The following GRIN2A variants were observed in gnomAD, a reference collection of about 807,000 sequenced individuals.
The protein encoded by GRIN2A is glutamate receptor ionotropic, NMDA 2A.
GRIN2A carries 22 observed loss-of-function variants against 113.4 expected under a neutral mutation model. The observed-to-expected ratio is 0.19, with a 90% CI of 0.14 to 0.28. The LOEUF (loss-of-function observed/expected upper bound fraction) is 0.28. GRIN2A is among the 10% of genes least tolerant of loss of function. GRIN2A has a pLI of 1.00. For synonymous variants in GRIN2A, 827 were observed against 738.4 expected, an observed-to-expected ratio of 1.12 and a Z score of -1.94; for missense variants, 1,502 against 1,887.0, an observed-to-expected ratio of 0.80 and a Z score of 3.78.
intron 2 of GRIN2A, among the ~76,000 whole-genome samples, chr16:10,106,391 T>A (rs981339065): frequency 6.6e-6 from 1 of 151,912 alleles, no homozygotes; most frequent in Non-Finnish European, 1.5e-5. Context: ...TGAGACCCTG[T>A]CTCTATTTAA....
chr16:9,792,105 G>GTGTC (rs3831728), intron 11 of GRIN2A, among the ~76,000 whole-genome samples: 1,983 of 151,162 alleles, frequency 0.013, 41 homozygotes, highest in African/African-American at 0.039. Context: ...GTGTGTGTGT[G>GTGTC]TGTATCTTTC....
chr16:9,857,769 A>T (rs1242065342), intron 4 of GRIN2A, among the ~76,000 whole-genome samples: 1 of 152,264 alleles, frequency 6.6e-6, no homozygotes, highest in Non-Finnish European at 1.5e-5. Flanking sequence ...CTATTTTGTC[A>T]TTGTTTAAAT....
At chr16:10,042,526 C>T (rs1399200036) in intron 2 of GRIN2A, among the ~76,000 whole-genome samples, 1 of 152,196 alleles carries the variant, frequency 6.6e-6, no homozygotes, top group Non-Finnish European at 1.5e-5. Context: ...CACAGCCTCA[C>T]AAGAGACCCT....
At chr16:9,818,904 A>G (rs1281656056) in intron 10 of GRIN2A, among the ~76,000 whole-genome samples, 4 of 152,252 alleles carry the variant, frequency 2.6e-5, no homozygotes, top group Non-Finnish European at 5.9e-5. Flanking sequence ...ATGTGACGCA[A>G]TACAAAGATA....
chr16:9,896,629 T>C (rs1029996668), intron 3 of GRIN2A, among the ~76,000 whole-genome samples: 1 of 152,168 alleles, frequency 6.6e-6, no homozygotes. Context: ...CTCCATATAC[T>C]CAATGTTAAT....
intron 2 of GRIN2A, among the ~76,000 whole-genome samples, chr16:10,068,450 G>C (rs1298914959): frequency 6.6e-6 from 1 of 152,216 alleles, no homozygotes; most frequent in Non-Finnish European, 1.5e-5. Context: ...CACATGGCCA[G>C]AGCAGGAGAG....
chr16:9,940,238 C>G (rs1275058720), intron 2 of GRIN2A, among the ~76,000 whole-genome samples: 1 of 152,114 alleles, frequency 6.6e-6, no homozygotes, highest in Non-Finnish European at 1.5e-5. Flanking sequence ...AAATACTGCT[C>G]TTTTCTGAAA....
At position 9,897,891 on chromosome 16, in the gene GRIN2A, G is replaced by A. The variant is rs181952191; in HGVS notation, c.1008-6791C>T. 2.1e-4 allele frequency among the ~76,000 whole-genome samples: 32 copies of A among 152,134 alleles called. No individual in the cohort carries two copies. In the East Asian group the frequency reaches 2.1e-3, roughly 10 times the overall value. On this transcript the variant is annotated intron_variant, in intron 3 of 12. Transcript: ENST00000330684. ...ATTTCTAGTGCTAAACAGGGTGTGC[G>A]CCACAGAGCTGGTGCTGAACATGTG...
At chr16:9,811,789 G>C (rs2042091652) in intron 10 of GRIN2A, among the ~76,000 whole-genome samples, 1 of 152,052 alleles carries the variant, frequency 6.6e-6, no homozygotes, top group African/African-American at 2.4e-5. Flanking sequence ...CAAACAAGAG[G>C]TGATCCCTAA....
At chr16:9,923,924 C>T (rs1232150185) in intron 3 of GRIN2A, among the ~76,000 whole-genome samples, 2 of 151,828 alleles carry the variant, frequency 1.3e-5, no homozygotes, top group Non-Finnish European at 1.5e-5. Flanking sequence ...GCCAGGAGTT[C>T]GAGACCAGCC....
At position 10,180,442 on chromosome 16, in the gene GRIN2A, G is replaced by T; in HGVS notation, c.-18-13C>A. The T allele has an allele frequency of 6.3e-7, 1 of 1,597,390 alleles. No homozygotes were observed. Among genetic ancestry groups the T allele is most frequent in the Non-Finnish European group, 8.5e-7 (1 of 1,177,262 alleles). On this transcript the variant is annotated splice_polypyrimidine_tract_variant and intron_variant, in intron 1 of 12. Coordinates refer to ENST00000330684, the MANE Select transcript of GRIN2A (RefSeq NM_001134407.3). This position sits in a 1 kb window ranked among gnomAD's most constrained non-coding sequence, Gnocchi z 7.0. Reference sequence around the variant, plus strand: ...CCACTGACGGTCCCTGCAAGGTGAAGAGTGAGAGGCAGGGCCGCGGTGAGC... The same window carrying T: ...CCACTGACGGTCCCTGCAAGGTGAATAGTGAGAGGCAGGGCCGCGGTGAGC...
At chr16:10,131,416 T>A (rs1254192991) in intron 2 of GRIN2A, among the ~76,000 whole-genome samples, 2 of 150,418 alleles carry the variant, frequency 1.3e-5, no homozygotes, top group Non-Finnish European at 2.9e-5. Context: ...AGCTAAAGGG[T>A]CCCTCCTAGC....
At chr16:10,153,877 C>T (rs1190928916) in intron 2 of GRIN2A, among the ~76,000 whole-genome samples, 1 of 152,178 alleles carries the variant, frequency 6.6e-6, no homozygotes, top group Non-Finnish European at 1.5e-5. Context: ...TGTCAAACCC[C>T]GTGCTGAATG....
intron 2 of GRIN2A, among the ~76,000 whole-genome samples, chr16:10,173,529 G>C (rs1028692364): frequency 6.6e-6 from 1 of 152,170 alleles, no homozygotes; most frequent in African/African-American, 2.4e-5. Context: ...AACACTGCAC[G>C]AATGCCCTGA....
intron 2 of GRIN2A, among the ~76,000 whole-genome samples, chr16:10,096,094 A>C (rs537544395): frequency 2.8e-4 from 43 of 152,364 alleles, no homozygotes; most frequent in Non-Finnish European, 5.0e-4. Flanking sequence ...TTTAAAAAAC[A>C]TATGAGCCCA....
intron 2 of GRIN2A, among the ~76,000 whole-genome samples, chr16:9,994,000 T>C (rs1053801549): frequency 1.3e-5 from 2 of 152,214 alleles, no homozygotes; most frequent in African/African-American, 4.8e-5. Flanking sequence ...GAATTGCAGA[T>C]GGAAAGTTTA....
intron 2 of GRIN2A, among the ~76,000 whole-genome samples, chr16:10,127,576 A>G (rs531817769): frequency 2.0e-5 from 3 of 152,316 alleles, no homozygotes; most frequent in South Asian, 4.2e-4. Context: ...ATATTTATAT[A>G]TAAGAATAAT....
chr16:9,781,012 T>TA (rs1428614685), intron 11 of GRIN2A, among the ~76,000 whole-genome samples: 2 of 147,114 alleles, frequency 1.4e-5, no homozygotes, highest in African/African-American at 5.0e-5. Flanking sequence ...TTTTTTATGG[T>TA]AAACGGCCAA....
In GRIN2A at chr16:9,769,976, A is replaced by G. The variant is rs1901162853; in HGVS notation, c.2357-887T>C. ...TGAATGGCCCCTTGCAAACTAAACT[A>G]TACCCACCCCCCAACTTCAGTAGGC... On this transcript the variant is annotated intron_variant, in intron 11 of 12. Coordinates refer to ENST00000330684, the MANE Select transcript of GRIN2A (RefSeq NM_001134407.3). Among the ~76,000 whole-genome samples the G allele has an allele frequency of 1.3e-5, 2 of 152,170 alleles. 1 individual carries two copies. Among genetic ancestry groups the G allele is most frequent in the Non-Finnish European group, 2.9e-5 (2 of 68,026 alleles).
Sources: allele counts gnomAD v4.1 joint callset (sites outside exome capture counted in the v4.1 genomes callset), GRCh38; gene constraint gnomAD v4.1.1; non-coding constraint Gnocchi (gnomAD v3.1); transcripts MANE v1.5; gene names NCBI Gene and HGNC (gene_info 2026-07-23, HGNC 2026-07-21).